The following PNN variants were observed in gnomAD, a reference collection of about 807,000 sequenced individuals.
The protein encoded by PNN is pinin, desmosome associated protein, also known as pinin.
PNN carries 38 observed loss-of-function variants against 76.6 expected under a neutral mutation model. The ratio of observed to expected loss-of-function variants is 0.50; its 90% CI spans 0.38 to 0.65. PNN has a LOEUF of 0.65. Ranked by LOEUF, PNN falls within the 30% of genes least tolerant of loss-of-function variation. The pLI is 0.00. For missense variants in PNN, 873 were observed against 874.1 expected (o/e 1.00, Z 0.02); for synonymous variants, 366 against 283.7 (o/e 1.29, Z -2.91).
At chr14:39,179,901 CAAA>C (rs548024138) in intron 8 of PNN, among the ~76,000 whole-genome samples, 1 of 113,008 alleles carries the variant, frequency 8.8e-6, no homozygotes. Context: ...GACTCCATCT[CAAA>C]AAAAAAAAAA....
chr14:39,181,176 G>T lies in PNN; in HGVS notation c.1467G>T (p.Gln489His). The change falls in exon 9 of 9, where the codon CAG becomes CAT. Residue 489 changes from glutamine to histidine, a missense_variant. Around this residue, in one of 3 missense-constraint regions of PNN, gnomAD observed 712 missense variants for 693.1 expected, o/e 1.03. Coordinates refer to ENST00000216832, the MANE Select transcript of PNN (RefSeq NM_002687.4). Reference sequence around the variant, plus strand: ...AGCCCCAGCTTCAGCTTCAATCCCAGTCCCAACCAGTACTCCAGTCCCAGC... The same window carrying T: ...AGCCCCAGCTTCAGCTTCAATCCCATTCCCAACCAGTACTCCAGTCCCAGC... ...QSQPQLQLQS[Q>H]SQPVLQSQPP... 1.9e-6 allele frequency: 3 copies of T among 1,608,420 alleles called. No homozygotes were observed. The highest frequency in any genetic ancestry group is 2.6e-6 in the Non-Finnish European group (3 of 1,174,856).
chr14:39,177,334 C>A, intron 3 of PNN, 78 bp from the exon 4 acceptor site: 1 of 1,157,142 alleles, frequency 8.6e-7, no homozygotes, highest in Non-Finnish European at 1.3e-6. Flanking sequence ...TGCAGTGAAC[C>A]GTGGTGGCAC....
chr14:39,180,342 TTA>T (rs1219332375), intron 8 of PNN, among the ~76,000 whole-genome samples, 159 bp from the exon 9 acceptor site: 2 of 152,234 alleles, frequency 1.3e-5, no homozygotes, highest in Admixed American at 1.3e-4. Flanking sequence ...TTTTATAATT[TTA>T]TGTCAGTTTG....
Position 39,181,738 on chromosome 14 carries a change from G to A in PNN, c.2029G>A (p.Gly677Arg). Reference protein sequence around the residue: ...SKGGSSRDTKGSKDKNSRSDR... With the variant: ...SKGGSSRDTKRSKDKNSRSDR... ...AGGTGGTAGTAGTAGAGATACAAAA[G>A]GATCAAAGGATAAGAATTCCCGGTC... Residue 677 changes from glycine to arginine, a missense_variant, in exon 9 of 9, where the codon GGA becomes AGA. Gly to Arg is a moderately radical substitution (Grantham distance 125). Around this residue, in one of 3 missense-constraint regions of PNN, gnomAD observed 712 missense variants for 693.1 expected, o/e 1.03. Coordinates refer to ENST00000216832, the MANE Select transcript of PNN (RefSeq NM_002687.4). 6.2e-7 allele frequency: 1 copy of A among 1,614,122 alleles called. No homozygotes were observed. Among genetic ancestry groups the A allele is most frequent in the African/African-American group, 1.3e-5 (1 of 75,028 alleles).
At position 39,182,056 on chromosome 14, in the gene PNN, A is replaced by C. The variant is rs75406221; in HGVS notation, c.*193A>C. 8.0e-6 allele frequency: 4 copies of C among 499,786 alleles called. No homozygotes were observed. The highest frequency in any genetic ancestry group is 1.4e-5 in the Non-Finnish European group (4 of 292,346). The allele number at this position is 499,786 out of a possible 1,614,324, so 31.0% of individuals were successfully genotyped here. ...ATAATTTTGTAAGAGTTATTTATCA[A>C]AATTATGTGAGGTTCCAAAATATGT... On this transcript the variant is annotated 3_prime_UTR_variant, in exon 9 of 9. Coordinates refer to ENST00000216832, the MANE Select transcript of PNN (RefSeq NM_002687.4).
chr14:39,181,799 C>G lies in PNN; in HGVS notation c.2090C>G (p.Ser697Ter). The change falls in exon 9 of 9, where the codon TCA becomes TGA. Residue 697 changes from serine (S) to a stop codon, truncating the protein, a stop_gained. Transcript: ENST00000216832. LOFTEE classifies it high-confidence loss of function. The stretch of plus-strand genomic sequence containing the variant: ...AGGTCTATATCAGAGAGTAGTCGAT[C>G]AGGCAAAAGATCTTCAAGAAGTGAA... ...RKRSISESSR[S>*]GKRSSRSERD... is the part of the protein sequence containing the mutation. 3 of 1,612,978 alleles carry G rather than the reference C, an allele frequency of 1.9e-6. No homozygotes were observed. Among genetic ancestry groups the G allele is most frequent in the Non-Finnish European group, 2.5e-6 (3 of 1,179,698 alleles).
chr14:39,179,507 G>C, intron 8 of PNN, 45 bp downstream of exon 8: 1 of 1,524,354 alleles, frequency 6.6e-7, no homozygotes, highest in Non-Finnish European at 9.0e-7. Context: ...AGTGGGTAAG[G>C]TAATATGTTC....
rs1257755899 is a variant in PNN at position 39,175,292 on chromosome 14, G to T, written c.13G>T (p.Val5Leu). The change falls in exon 1 of 9, where the codon GTG (valine) becomes TTG (leucine). Residue 5 changes from valine (V) to leucine (L), a missense_variant. Val to Leu is a conservative substitution (Grantham distance 32). Coordinates refer to ENST00000216832, the MANE Select transcript of PNN (RefSeq NM_002687.4). MAVA[V>L]RTLQEQLEKA... ...CCGCAGGGAGAAGATGGCGGTCGCC[G>T]TGAGAACTTTGCAGGAACAGCTGGA... is the stretch of plus-strand genomic sequence containing the variant. 1.2e-6 allele frequency: 2 copies of T among 1,603,274 alleles called. No individual in the cohort carries two copies. Among genetic ancestry groups the T allele is most frequent in the African/African-American group, 1.3e-5 (1 of 74,612 alleles).
intron 1 of PNN, 49 bp from the exon 2 acceptor site, chr14:39,176,029 C>G (rs944243486): frequency 3.1e-6 from 3 of 958,228 alleles, no homozygotes; most frequent in African/African-American, 1.6e-5. Context: ...TTGGGTGCGA[C>G]TGTGTGTGTC....
At chr14:39,178,905 A>T (rs1203451125) in intron 6 of PNN, 186 bp from the exon 7 acceptor site, 12 of 550,622 alleles carry the variant, frequency 2.2e-5, no homozygotes, top group Non-Finnish European at 2.8e-5. Flanking sequence ...CGCCCTGTTA[A>T]TTTTTTTGTG....
rs144685853 is a variant in PNN, at chr14:39,180,653, G to A, written c.944G>A (p.Arg315Gln). The A allele has an allele frequency of 3.8e-5, 61 of 1,612,844 alleles. No individual in the cohort carries two copies. In the African/African-American group the frequency reaches 4.0e-4, roughly 11 times the overall value. The change falls in exon 9 of 9, where the codon CGA becomes CAA. Residue 315 changes from arginine (R) to glutamine (Q), a missense_variant. By Grantham distance (43) the Arg-to-Gln change is conservative. Around this residue, in one of 3 missense-constraint regions of PNN, gnomAD observed 712 missense variants for 693.1 expected, o/e 1.03. Coordinates refer to ENST00000216832, the MANE Select transcript of PNN (RefSeq NM_002687.4). Reference protein sequence around the residue: ...AEQEEGKVAQREEELEETGNQ... With the variant: ...AEQEEGKVAQQEEELEETGNQ... Reference sequence around the variant, plus strand: ...CAAGAAGAGGGTAAGGTGGCTCAGCGAGAGGAAGAGTTGGAGGAGACAGGT... The same window carrying A: ...CAAGAAGAGGGTAAGGTGGCTCAGCAAGAGGAAGAGTTGGAGGAGACAGGT...
chr14:39,177,327 A>G (rs201301211), intron 3 of PNN, 85 bp from the exon 4 acceptor site: 4 of 1,064,654 alleles, frequency 3.8e-6, no homozygotes, highest in Admixed American at 4.2e-5. Context: ...TCGAGGCTGC[A>G]GTGAACCGTG....
At chr14:39,176,695 A>G (rs2053228269) in intron 3 of PNN, 100 bp downstream of exon 3, 1 of 754,354 alleles carries the variant, frequency 1.3e-6, no homozygotes, top group Non-Finnish European at 2.1e-6. Flanking sequence ...CAATATTAAA[A>G]TTGAGTGGTA....
intron 4 of PNN, 29 bp downstream of exon 4, chr14:39,177,513 TG>T (rs1217126301): frequency 2.5e-6 from 4 of 1,594,236 alleles, no homozygotes; most frequent in Non-Finnish European, 3.4e-6. Flanking sequence ...CTTAAATGAA[TG>T]TAGTACCTTC....
intron 2 of PNN, 93 bp downstream of exon 2, chr14:39,176,242 C>G: frequency 1.3e-6 from 1 of 766,938 alleles, no homozygotes; most frequent in South Asian, 1.5e-5. Flanking sequence ...AATCAATAAC[C>G]CAGTGTTTGT....
At chr14:39,178,271 G>C (rs1313602010) in intron 6 of PNN, among the ~76,000 whole-genome samples, 7 of 152,214 alleles carry the variant, frequency 4.6e-5, no homozygotes, top group African/African-American at 1.7e-4. Flanking sequence ...GCTCATGCCT[G>C]TAATCCCAGC....
intron 6 of PNN, among the ~76,000 whole-genome samples, chr14:39,178,643 A>G (rs549872652): frequency 4.8e-4 from 73 of 150,550 alleles, no homozygotes; most frequent in African/African-American, 1.7e-3. Flanking sequence ...GCTCAAAGCA[A>G]TCCACCCACC....
In PNN at chr14:39,177,027, G is replaced by A. The variant is rs6571901; in HGVS notation, c.255-385G>A. 6.3e-3 allele frequency among the ~76,000 whole-genome samples: 952 copies of A among 152,310 alleles called. 16 individuals are homozygous for A. The highest frequency in any genetic ancestry group is 0.042 in the Admixed American group (639 of 15,306). On this transcript the variant is annotated intron_variant, in intron 3 of 8. Coordinates refer to ENST00000216832, the MANE Select transcript of PNN (RefSeq NM_002687.4). ...TTGATAGAACAAAGCTTCTGGAAAC[G>A]AGTCCTAGAAGAGAGGGCATTTGCC... is the stretch of plus-strand genomic sequence containing the variant.
At chr14:39,178,143 TG>T (rs1351345187) in intron 6 of PNN, among the ~76,000 whole-genome samples, 4 of 150,316 alleles carry the variant, frequency 2.7e-5, no homozygotes, top group Non-Finnish European at 5.9e-5. Flanking sequence ...TTTAGATATG[TG>T]AAAAAAAAAA....
Sources: allele counts gnomAD v4.1 joint callset (sites outside exome capture counted in the v4.1 genomes callset), GRCh38; gene constraint gnomAD v4.1.1; regional missense constraint gnomAD v4.1.1; transcripts MANE v1.5; gene names NCBI Gene and HGNC (gene_info 2026-07-23, HGNC 2026-07-21).